The following EPHA3 variants were observed in gnomAD, a reference collection of about 807,000 sequenced individuals.
EPHA3 encodes EPH receptor A3.
EPHA3 carries 42 observed loss-of-function variants against 107.1 expected under a neutral mutation model. The ratio of observed to expected loss-of-function variants is 0.39; its 90% CI spans 0.31 to 0.51. The LOEUF (loss-of-function observed/expected upper bound fraction) is 0.51, where lower values mean the gene tolerates loss of function less well. EPHA3 is among the 20% of genes least tolerant of loss of function. EPHA3 has a pLI of 0.78. For synonymous variants in EPHA3, 461 were observed against 424.8 expected (o/e 1.09, Z -1.05); for missense variants, 1,183 against 1,211.2 (o/e 0.98, Z 0.35).
intron 3 of EPHA3, among the ~76,000 whole-genome samples, chr3:89,288,454 C>G (rs1706140438): frequency 6.6e-6 from 1 of 152,196 alleles, no homozygotes; most frequent in South Asian, 2.1e-4. Flanking sequence ...TACTGTATAT[C>G]TATTTTAAGG....
intron 3 of EPHA3, among the ~76,000 whole-genome samples, chr3:89,229,421 A>G (rs941436248): frequency 3.3e-5 from 5 of 151,896 alleles, no homozygotes; most frequent in Non-Finnish European, 5.9e-5. Flanking sequence ...CTAGAAAATG[A>G]ATTGATTTTC....
intron 3 of EPHA3, among the ~76,000 whole-genome samples, chr3:89,221,472 T>A (rs1258695986): frequency 6.6e-6 from 1 of 152,224 alleles, no homozygotes. Flanking sequence ...GTAAACTCAC[T>A]GTTTTATTTA....
In EPHA3 at chr3:89,168,991, A is replaced by C. The variant is rs144059424; in HGVS notation, c.154-40869A>C. Among the ~76,000 whole-genome samples the C allele has an allele frequency of 2.4e-4, 36 of 152,222 alleles. No individual in the cohort carries two copies. The East Asian group carries it at 6.6e-3, about 28-fold the overall frequency. On this transcript the variant is annotated intron_variant, in intron 2 of 16. Transcript: ENST00000336596. Reference sequence around the variant, plus strand: ...TTAATTAAGCAAATACTCAGAACACAATATATTCGCATTTTTCAGTAGAAT... The same window carrying C: ...TTAATTAAGCAAATACTCAGAACACCATATATTCGCATTTTTCAGTAGAAT...
At position 89,233,676 on chromosome 3, in the gene EPHA3, G is replaced by T. The variant is rs143213648; in HGVS notation, c.814+23156G>T. Among the ~76,000 whole-genome samples the T allele has an allele frequency of 3.5e-4, 53 of 152,236 alleles. 1 individual carries two copies. The East Asian group carries it at 9.7e-3, about 28-fold the overall frequency. On this transcript the variant is annotated intron_variant, in intron 3 of 16. Transcript: ENST00000336596. ...AGGTCTTGCACAATTTCTAACCAAA[G>T]GCTGGAGTATAGTACTAGCCCTCTT...
intron 5 of EPHA3, among the ~76,000 whole-genome samples, chr3:89,375,135 A>G (rs1469028694): frequency 1.3e-5 from 2 of 151,678 alleles, no homozygotes; most frequent in Non-Finnish European, 2.9e-5. Flanking sequence ...TAGTTTTCCT[A>G]AACTTTGTCC....
In EPHA3 at chr3:89,450,249, A is replaced by C. The variant is rs761893191; in HGVS notation, c.2569A>C (p.Met857Leu). The C allele has an allele frequency of 1.2e-6, 2 of 1,613,890 alleles. No individual in the cohort carries two copies. The highest frequency in any genetic ancestry group is 1.7e-6 in the Non-Finnish European group (2 of 1,179,942). Residue 857 changes from methionine to leucine, a missense_variant, in exon 15 of 17, where the codon ATG becomes CTG. Physicochemically the swap from Met to Leu is conservative, Grantham distance 15. Coordinates refer to ENST00000336596, the MANE Select transcript of EPHA3 (RefSeq NM_005233.6). ...MDCPAALYQLMLDCWQKDRNN... is the reference protein window; with the variant it reads ...MDCPAALYQLLLDCWQKDRNN... ...CTGCCCAGCTGCCTTGTATCAGCTG[A>C]TGCTGGACTGCTGGCAGAAAGACAG... is the stretch of plus-strand genomic sequence containing the variant.
chr3:89,188,769 C>T (rs1705635519), intron 2 of EPHA3, among the ~76,000 whole-genome samples: 2 of 152,202 alleles, frequency 1.3e-5, no homozygotes, highest in Admixed American at 1.3e-4. Flanking sequence ...TTCTTCACAT[C>T]ATTCACACCT....
chr3:89,326,754 C>A (rs1230015778), intron 3 of EPHA3, among the ~76,000 whole-genome samples: 1 of 151,810 alleles, frequency 6.6e-6, no homozygotes, highest in African/African-American at 2.4e-5. Context: ...GATGCAGAAC[C>A]CATAAATACA....
At chr3:89,379,184 A>T (rs1047951197) in intron 5 of EPHA3, among the ~76,000 whole-genome samples, 1 of 152,026 alleles carries the variant, frequency 6.6e-6, no homozygotes, top group Admixed American at 6.5e-5. Context: ...TTGCCACTCA[A>T]TGTTTGCATT....
At chr3:89,392,450 C>T (rs748175221) in intron 5 of EPHA3, among the ~76,000 whole-genome samples, 11 of 149,562 alleles carry the variant, frequency 7.4e-5, no homozygotes, top group African/African-American at 2.7e-4. Flanking sequence ...AAAAAAAAAA[C>T]CTAGGCTATC....
chr3:89,140,501 G>T (rs1223175145), intron 2 of EPHA3, among the ~76,000 whole-genome samples: 1 of 151,656 alleles, frequency 6.6e-6, no homozygotes, highest in Non-Finnish European at 1.5e-5. Context: ...ATATAAATTA[G>T]AGTAACAAGT....
intron 3 of EPHA3, among the ~76,000 whole-genome samples, chr3:89,256,159 G>A (rs1019878939): frequency 1.3e-5 from 2 of 152,022 alleles, no homozygotes; most frequent in African/African-American, 4.8e-5. Flanking sequence ...GCTGAGGCAG[G>A]AGAATCACTT....
intron 13 of EPHA3, among the ~76,000 whole-genome samples, chr3:89,445,664 C>T (rs1293870458): frequency 6.6e-6 from 1 of 152,156 alleles, no homozygotes; most frequent in Admixed American, 6.5e-5. Context: ...CTTATGCTTT[C>T]CCACAAGGGC....
At chr3:89,358,999 A>G (rs1708026696) in intron 5 of EPHA3, among the ~76,000 whole-genome samples, 1 of 151,114 alleles carries the variant, frequency 6.6e-6, no homozygotes. Flanking sequence ...AATCTGACTT[A>G]TTTGTCTATC....
At chr3:89,435,561 A>G (rs1423648346) in intron 13 of EPHA3, among the ~76,000 whole-genome samples, 1 of 145,754 alleles carries the variant, frequency 6.9e-6, no homozygotes, top group Admixed American at 6.9e-5. Context: ...TATATATACT[A>G]TATAGTATAT....
chr3:89,111,517 C>CG (rs930445180), intron 1 of EPHA3, among the ~76,000 whole-genome samples: 5 of 138,680 alleles, frequency 3.6e-5, no homozygotes, highest in South Asian at 2.5e-4. Flanking sequence ...ATCCCCCCCC[C>CG]ACCCCGCCTC....
chr3:89,145,524 G>A (rs952182203), intron 2 of EPHA3, among the ~76,000 whole-genome samples: 1 of 151,576 alleles, frequency 6.6e-6, no homozygotes, highest in Non-Finnish European at 1.5e-5. Context: ...ATCTTATCTT[G>A]CAATCTTTTC....
chr3:89,235,090 AT>A (rs1321658342), intron 3 of EPHA3, among the ~76,000 whole-genome samples: 1 of 107,610 alleles, frequency 9.3e-6, no homozygotes, highest in Non-Finnish European at 1.8e-5. Context: ...TTGTCTCAAT[AT>A]TTGTAGTTTT....
intron 11 of EPHA3, 67 bp from the exon 12 acceptor site, chr3:89,429,039 T>G: frequency 1.8e-6 from 2 of 1,090,192 alleles, no homozygotes; most frequent in Non-Finnish European, 2.7e-6. Context: ...TCCAACTATA[T>G]TATATATGTT....
Sources: allele counts gnomAD v4.1 joint callset (sites outside exome capture counted in the v4.1 genomes callset), GRCh38; gene constraint gnomAD v4.1.1; transcripts MANE v1.5; gene names NCBI Gene and HGNC (gene_info 2026-07-23, HGNC 2026-07-21).